Variants in CHN2 observed in about 807,000 individuals in gnomAD.
The protein encoded by CHN2 is beta-chimaerin.
A neutral mutation model predicts 56.3 loss-of-function variants in CHN2; 35 were observed. That is an observed-to-expected ratio of 0.62 (90% confidence interval 0.47 to 0.82). The LOEUF is 0.82. CHN2 is among the 40% of genes least tolerant of loss of function. CHN2 has a pLI of 0.00. For synonymous variants in CHN2, 210 were observed against 212.8 expected, an observed-to-expected ratio of 0.99 and a Z score of 0.12; for missense variants, 491 against 580.5, an observed-to-expected ratio of 0.85 and a Z score of 1.58.
intron 1 of CHN2, among the ~76,000 whole-genome samples, chr7:29,204,180 AC>A (rs1462438789): frequency 6.6e-6 from 1 of 151,980 alleles, no homozygotes; most frequent in Non-Finnish European, 1.5e-5. Flanking sequence ...ATGTGGGTTT[AC>A]ATACACATCC....
chr7:29,214,870 A>G (rs1286101221), intron 1 of CHN2, among the ~76,000 whole-genome samples: 1 of 152,118 alleles, frequency 6.6e-6, no homozygotes. Context: ...ACGTGAGTGC[A>G]GAGTGGATGC....
upstream of CHN2, chr7:29,194,715 C>A: frequency 2.4e-6 from 1 of 418,724 alleles, no homozygotes; most frequent in South Asian, 6.8e-5. Context: ...GAAAAGCGTG[C>A]AAAGGCGCGG....
intron 6 of CHN2, among the ~76,000 whole-genome samples, chr7:29,462,797 G>C (rs182218658): frequency 3.0e-4 from 45 of 151,966 alleles, no homozygotes; most frequent in Non-Finnish European, 1.6e-4. Flanking sequence ...TAAGTTTTAG[G>C]GTATATGTGC....
intron 1 of CHN2, among the ~76,000 whole-genome samples, chr7:29,217,884 C>A (rs1165582741): frequency 2.6e-5 from 4 of 152,074 alleles, no homozygotes; most frequent in African/African-American, 7.2e-5. Context: ...TATGTCTCTT[C>A]CTGGATTTGA....
At position 29,273,339 on chromosome 7, in the gene CHN2, A is replaced by ATATG. The variant is rs1554387156; in HGVS notation, c.49+78350_49+78351insATGT. On this transcript the variant is annotated intron_variant, in intron 1 of 12. Coordinates refer to ENST00000222792, the MANE Select transcript of CHN2 (RefSeq NM_004067.4). ...TATTCCATCATGCATATATATATAT[A>ATATG]TGTGTATATATATATATATATATAT... Among the ~76,000 whole-genome samples, 112 of 82,260 alleles carry ATATG rather than the reference A, an allele frequency of 1.4e-3. 1 individual carries two copies. Among genetic ancestry groups the ATATG allele is most frequent in the African/African-American group, 6.3e-3 (106 of 16,934 alleles). 54.0% of individuals were successfully genotyped at this position (82,260 alleles called of 152,430 possible). A position where few individuals can be genotyped will look rare whatever the true frequency, so the allele number is the denominator to read the frequency against.
At chr7:29,230,575 A>T (rs536345772) in intron 1 of CHN2, among the ~76,000 whole-genome samples, 39 of 152,274 alleles carry the variant, frequency 2.6e-4, no homozygotes, top group African/African-American at 9.4e-4. Flanking sequence ...TCTTGTCCTT[A>T]AGTGATCTGC....
At chr7:29,344,334 A>C in intron 1 of CHN2, among the ~76,000 whole-genome samples, 1 of 152,170 alleles carries the variant, frequency 6.6e-6, no homozygotes, top group East Asian at 1.9e-4. Flanking sequence ...ACTCTGTATT[A>C]TCCCCGCTTG....
intron 9 of CHN2, 109 bp from the exon 10 acceptor site, chr7:29,504,633 CTA>C (rs760169089): frequency 7.3e-6 from 5 of 682,684 alleles, no homozygotes; most frequent in East Asian, 2.6e-5. Flanking sequence ...AAATCACTGT[CTA>C]TGTTTGCTCA....
chr7:29,391,485 T>C (rs956539974), intron 3 of CHN2, among the ~76,000 whole-genome samples: 2 of 152,116 alleles, frequency 1.3e-5, no homozygotes, highest in East Asian at 3.9e-4. Flanking sequence ...TATTAGTATA[T>C]ATCTCATGCA....
At chr7:29,366,745 C>CA (rs1293666224) in intron 2 of CHN2, among the ~76,000 whole-genome samples, 1 of 152,116 alleles carries the variant, frequency 6.6e-6, no homozygotes, top group Non-Finnish European at 1.5e-5. Context: ...TGGTACATTT[C>CA]AAAATGTATA....
intron 2 of CHN2, among the ~76,000 whole-genome samples, chr7:29,167,900 C>T (rs28421111): frequency 0.17 from 25,311 of 152,120 alleles, 2,414 homozygotes; most frequent in African/African-American, 0.25. Flanking sequence ...TGCAAAAACC[C>T]CCATGCTTTC....
intron 1 of CHN2, among the ~76,000 whole-genome samples, chr7:29,228,258 A>G (rs1384100009): frequency 2.0e-5 from 3 of 152,012 alleles, no homozygotes; most frequent in East Asian, 3.9e-4. Flanking sequence ...TGTTTCCGTC[A>G]TCGACAGACT....
At chr7:29,159,418 G>T (rs986271899) in intron 2 of CHN2, among the ~76,000 whole-genome samples, 7 of 152,166 alleles carry the variant, frequency 4.6e-5, no homozygotes, top group African/African-American at 1.7e-4. Context: ...GTTTTGGATG[G>T]CAGTATTGGA....
intron 6 of CHN2, among the ~76,000 whole-genome samples, chr7:29,436,861 G>C (rs1386390660): frequency 6.6e-6 from 1 of 151,632 alleles, no homozygotes; most frequent in Non-Finnish European, 1.5e-5. Flanking sequence ...AATTCCCCGG[G>C]TCTTAAACTT....
intron 1 of CHN2, among the ~76,000 whole-genome samples, chr7:29,352,350 CGTGT>C (rs60859228): frequency 2.0e-5 from 3 of 149,938 alleles, no homozygotes; most frequent in African/African-American, 5.0e-5. Flanking sequence ...TGCAGTCTGT[CGTGT>C]GTGTGTGTGT....
rs188053952 is a variant in CHN2 at position 29,221,924 on chromosome 7, G to A, written c.49+26934G>A. ...GTGAATAGTGCTGCAGTGAACATAC[G>A]CATGCATGTATCTTTATCATAGAAT... is the stretch of plus-strand genomic sequence containing the variant. On this transcript the variant is annotated intron_variant, in intron 1 of 12. Transcript: ENST00000222792. Among the ~76,000 whole-genome samples the A allele has an allele frequency of 1.6e-3, 238 of 152,194 alleles. 1 individual carries two copies. The highest frequency in any genetic ancestry group is 5.3e-3 in the African/African-American group (220 of 41,540).
chr7:29,249,055 ATAGCTAGC>A (rs1046689982), intron 1 of CHN2, among the ~76,000 whole-genome samples: 1 of 152,176 alleles, frequency 6.6e-6, no homozygotes, highest in African/African-American at 2.4e-5. Context: ...ACTCAATATG[ATAGCTAGC>A]TAGCTGGATA....
chr7:29,165,926 T>C (rs1795846660), intron 2 of CHN2, among the ~76,000 whole-genome samples: 1 of 152,230 alleles, frequency 6.6e-6, no homozygotes, highest in African/African-American at 2.4e-5. Context: ...TGTTTGTCAC[T>C]ATGTTCACAG....
intron 1 of CHN2, among the ~76,000 whole-genome samples, chr7:29,204,917 C>G (rs543034472): frequency 2.6e-5 from 4 of 152,284 alleles, no homozygotes; most frequent in African/African-American, 9.6e-5. Context: ...CACAGCAAAT[C>G]CTAGGCAATT....
Sources: gnomAD v4.1 joint callset for allele counts (sites outside exome capture counted in the v4.1 genomes callset) on GRCh38, gnomAD v4.1.1 for gene constraint, MANE v1.5 for transcripts, NCBI Gene and HGNC (gene_info 2026-07-23, HGNC 2026-07-21) for gene names.